C8orf34: variants seen among roughly 807,000 people sequenced by gnomAD.
The protein encoded by C8orf34 is chromosome 8 open reading frame 34, also known as uncharacterized protein C8orf34.
A neutral mutation model predicts 68.3 loss-of-function variants in C8orf34; 65 were observed. The observed-to-expected ratio is 0.95, with a 90% CI of 0.78 to 1.17. The LOEUF is 1.17. Ranked by LOEUF, C8orf34 falls within the 50% of genes most tolerant of loss-of-function variation. The probability of loss-of-function intolerance (pLI) is 0.00; values close to 1 mark genes in which losing one functional copy is unlikely to be tolerated. For synonymous variants in C8orf34, 244 were observed against 241.2 expected (o/e 1.01, Z -0.11); for missense variants, 664 against 655.4 (o/e 1.01, Z -0.14).
chr8:68,695,671 C>T (rs142144699), intron 8 of C8orf34: 1 of 152,116 alleles, frequency 6.6e-6, no homozygotes, highest in African/African-American at 2.4e-5. Flanking sequence ...TTTAACATAC[C>T]CAATCTCATC....
intron 8 of C8orf34, among the ~76,000 whole-genome samples, chr8:68,707,622 T>C (rs1821205196): frequency 6.6e-6 from 1 of 152,082 alleles, no homozygotes; most frequent in African/African-American, 2.4e-5. Context: ...GTCACCCCAG[T>C]TGGAGTGCAG....
intron 1 of C8orf34, among the ~76,000 whole-genome samples, chr8:68,417,392 TTAGTGTC>T (rs1809721867): frequency 6.6e-6 from 1 of 152,024 alleles, no homozygotes; most frequent in African/African-American, 2.4e-5. Flanking sequence ...GACACTAATT[TTAGTGTC>T]TATCAGTCAG....
chr8:68,530,610 G>A (rs1815203424), intron 6 of C8orf34: 2 of 1,261,990 alleles, frequency 1.6e-6, no homozygotes, highest in Admixed American at 2.4e-5. Flanking sequence ...GACACGTAAT[G>A]CAATGATGCA....
chr8:68,720,057 T>A (rs1028006152), intron 9 of C8orf34, among the ~76,000 whole-genome samples: 5 of 151,946 alleles, frequency 3.3e-5, no homozygotes, highest in Admixed American at 2.6e-4. Context: ...GGATTAATAG[T>A]TTTGCATTTG....
intron 7 of C8orf34, among the ~76,000 whole-genome samples, chr8:68,607,115 C>T (rs17386044): frequency 0.012 from 1,758 of 152,010 alleles, 19 homozygotes; most frequent in Admixed American, 0.034. Flanking sequence ...GAAGGTATCC[C>T]GAGGCTAGTC....
chr8:68,773,801 G>A (rs11994264), intron 10 of C8orf34, among the ~76,000 whole-genome samples: 51,616 of 151,986 alleles, frequency 0.34, 9,293 homozygotes, highest in African/African-American at 0.45. Context: ...AAATGGTATT[G>A]TGTAGGTTTC....
intron 8 of C8orf34, among the ~76,000 whole-genome samples, chr8:68,697,686 G>A (rs139480122): frequency 1.2e-3 from 176 of 152,208 alleles, no homozygotes; most frequent in African/African-American, 4.1e-3. Context: ...CTAATTTCCT[G>A]AGTACAGTAT....
chr8:68,777,545 T>C (rs1208253843), intron 11 of C8orf34, among the ~76,000 whole-genome samples: 1 of 152,226 alleles, frequency 6.6e-6, no homozygotes, highest in African/African-American at 2.4e-5. Flanking sequence ...ACTGTGGTCC[T>C]CTGACTACAA....
chr8:68,575,418 T>C (rs1339258966), intron 7 of C8orf34, among the ~76,000 whole-genome samples: 1 of 152,114 alleles, frequency 6.6e-6, no homozygotes, highest in Non-Finnish European at 1.5e-5. Flanking sequence ...TAATCCTTCA[T>C]ACTGTCACTT....
Position 68,466,738 on chromosome 8 carries a change from CAT to C in C8orf34, c.608-1928_608-1927del, listed in dbSNP as rs35661495. Among the ~76,000 whole-genome samples the C allele has an allele frequency of 6.2e-4, 75 of 120,608 alleles. 4 individuals are homozygous for C. The highest frequency in any genetic ancestry group is 1.1e-3 in the Admixed American group (13 of 11,944). 79.1% of individuals were successfully genotyped at this position (120,608 alleles called of 152,430 possible). A position where few individuals can be genotyped will look rare whatever the true frequency, so the allele number is the denominator to read the frequency against. On this transcript the variant is annotated intron_variant, in intron 3 of 13. Coordinates refer to ENST00000518698, the MANE Select transcript of C8orf34 (RefSeq NM_052958.4). ...TTCTGTGAAAATAAACAACGTTGTA[CAT>C]ATATATATATATATATATATATATA...
intron 8 of C8orf34, among the ~76,000 whole-genome samples, chr8:68,668,697 A>T (rs1262062886): frequency 6.6e-6 from 1 of 152,210 alleles, no homozygotes; most frequent in Admixed American, 6.5e-5. Flanking sequence ...AATGAGCCAG[A>T]CTGAATCTAT....
chr8:68,521,991 G>A lies in C8orf34; in HGVS notation c.938+20G>A, dbSNP rs376375641. ...AGGAAGGTGAGATGAGCTGTCTGCT[G>A]AGATTCTATATTACTAGTCATTAAA... is the stretch of plus-strand genomic sequence containing the variant. On this transcript the variant is annotated intron_variant, in intron 6 of 13. Transcript: ENST00000518698. The A allele has an allele frequency of 1.9e-6, 3 of 1,607,198 alleles. No homozygotes were observed. In the African/African-American group the frequency reaches 4.0e-5, roughly 22 times the overall value.
At chr8:68,715,570 G>A (rs1047414345) in intron 9 of C8orf34, among the ~76,000 whole-genome samples, 2 of 151,744 alleles carry the variant, frequency 1.3e-5, no homozygotes, top group African/African-American at 4.8e-5. Flanking sequence ...AAACCACAAT[G>A]TGATACCACC....
rs530118876 is a variant in C8orf34 at position 68,637,508 on chromosome 8, T to C, written c.1106-2868T>C. 2.6e-5 allele frequency among the ~76,000 whole-genome samples: 4 copies of C among 152,150 alleles called. No homozygotes were observed. In the East Asian group the frequency reaches 7.8e-4, roughly 29 times the overall value. On this transcript the variant is annotated intron_variant, in intron 7 of 13. Transcript: ENST00000518698. ...AAGCAAGCAGGACTAGCTATCTAGA[T>C]GCAAGGAAAGTAGTATCTGGTAGGA...
At chr8:68,652,479 A>G (rs1251292322) in intron 8 of C8orf34, among the ~76,000 whole-genome samples, 2 of 152,122 alleles carry the variant, frequency 1.3e-5, no homozygotes, top group East Asian at 3.9e-4. Context: ...CTAAGAAACT[A>G]TTGCTTCATT....
chr8:68,599,998 CTA>C (rs1345987737), intron 7 of C8orf34, among the ~76,000 whole-genome samples: 1 of 151,982 alleles, frequency 6.6e-6, no homozygotes, highest in Non-Finnish European at 1.5e-5. Flanking sequence ...GAAGATACAT[CTA>C]TGGCCAATAA....
chr8:68,768,643 A>T (rs566942404), intron 10 of C8orf34, among the ~76,000 whole-genome samples: 1 of 152,310 alleles, frequency 6.6e-6, no homozygotes, highest in Admixed American at 6.5e-5. Flanking sequence ...CAGAACAAAA[A>T]TACTGATACA....
intron 4 of C8orf34, among the ~76,000 whole-genome samples, chr8:68,475,026 G>T (rs1327480317): frequency 6.6e-6 from 1 of 152,126 alleles, no homozygotes; most frequent in Non-Finnish European, 1.5e-5. Flanking sequence ...AAGTGCTCCA[G>T]GATCTGGCCG....
chr8:68,506,534 G>A (rs937016517), intron 5 of C8orf34, among the ~76,000 whole-genome samples: 1 of 152,138 alleles, frequency 6.6e-6, no homozygotes, highest in South Asian at 2.1e-4. Context: ...AAAGTTAAAT[G>A]CCTGATTTTT....
Sources: allele counts gnomAD v4.1 joint callset (sites outside exome capture counted in the v4.1 genomes callset), GRCh38; gene constraint gnomAD v4.1.1; transcripts MANE v1.5; gene names NCBI Gene and HGNC (gene_info 2026-07-23, HGNC 2026-07-21).